Variants in DAB1 observed in about 807,000 individuals in gnomAD.
The protein encoded by DAB1 is DAB adaptor protein 1, also known as disabled homolog 1.
Under a neutral mutation model 64.6 loss-of-function variants are expected in DAB1, and 15 were observed. The observed-to-expected ratio is 0.23, with a 90% CI of 0.16 to 0.36. The LOEUF is 0.36. DAB1 is among the 10% of genes least tolerant of loss of function. DAB1 has a pLI of 1.00. For missense variants in DAB1, 596 were observed against 706.7 expected (o/e 0.84, Z 1.78); for synonymous variants, 235 against 251.9 (o/e 0.93, Z 0.64).
intron 5 of DAB1, among the ~76,000 whole-genome samples, chr1:58,093,026 A>G (rs1304955308): frequency 6.6e-6 from 1 of 152,244 alleles, no homozygotes; most frequent in Non-Finnish European, 1.5e-5. Context: ...AAACACTTTT[A>G]GAGTGCCACA....
At chr1:57,068,937 A>T (rs942923071) in intron 8 of DAB1, among the ~76,000 whole-genome samples, 11 of 152,220 alleles carry the variant, frequency 7.2e-5, no homozygotes, top group Non-Finnish European at 1.3e-4. Flanking sequence ...TTCAGTTAAT[A>T]TTCTCAATGT....
At chr1:58,225,039 A>G (rs1440737150) in intron 4 of DAB1, among the ~76,000 whole-genome samples, 2 of 152,224 alleles carry the variant, frequency 1.3e-5, no homozygotes, top group Non-Finnish European at 2.9e-5. Context: ...ACAGAATGGG[A>G]GAAAATTTTT....
chr1:57,000,506 A>G (rs1645818259), intron 14 of DAB1, among the ~76,000 whole-genome samples: 2 of 152,242 alleles, frequency 1.3e-5, no homozygotes, highest in African/African-American at 4.8e-5. Flanking sequence ...AATCAAATGT[A>G]GCAAAATCTA....
At chr1:57,188,075 G>C (rs1436633149) in intron 2 of DAB1, among the ~76,000 whole-genome samples, 2 of 152,222 alleles carry the variant, frequency 1.3e-5, no homozygotes, top group African/African-American at 4.8e-5. Context: ...TACTGAAGTA[G>C]TGTAGTGAGT....
intron 5 of DAB1, among the ~76,000 whole-genome samples, chr1:58,067,524 T>A (rs1200158386): frequency 6.6e-6 from 1 of 152,218 alleles, no homozygotes; most frequent in African/African-American, 2.4e-5. Context: ...GTAATTGGTA[T>A]CTATAATGAA....
intron 1 of DAB1, among the ~76,000 whole-genome samples, chr1:57,330,263 A>G (rs565310954): frequency 4.7e-4 from 72 of 152,290 alleles, no homozygotes; most frequent in African/African-American, 1.7e-3. Flanking sequence ...AAATAAATAA[A>G]TAACTCCAGG....
chr1:57,083,045 C>T (rs893910263), intron 4 of DAB1, among the ~76,000 whole-genome samples: 24 of 152,118 alleles, frequency 1.6e-4, no homozygotes, highest in Admixed American at 1.6e-3. Flanking sequence ...TTTATTTTCA[C>T]TACATTAAAA....
chr1:57,496,565 C>T (rs1644233176), intron 7 of DAB1, among the ~76,000 whole-genome samples: 1 of 152,100 alleles, frequency 6.6e-6, no homozygotes, highest in Non-Finnish European at 1.5e-5. Context: ...AGGAGGCTCT[C>T]CTATTGCTGT....
chr1:58,266,333 C>T (rs1303267747), intron 4 of DAB1, among the ~76,000 whole-genome samples: 4 of 152,090 alleles, frequency 2.6e-5, no homozygotes, highest in Non-Finnish European at 4.4e-5. Flanking sequence ...ACACAGGGCT[C>T]AGCAAGCTGG....
At chr1:57,187,602 T>C (rs1035037980) in intron 2 of DAB1, among the ~76,000 whole-genome samples, 11 of 152,232 alleles carry the variant, frequency 7.2e-5, no homozygotes, top group Admixed American at 3.9e-4. Flanking sequence ...GCATTTGCTA[T>C]CTTGTTCTTT....
chr1:57,903,264 G>T (rs1386115518), intron 5 of DAB1, among the ~76,000 whole-genome samples: 3 of 152,096 alleles, frequency 2.0e-5, no homozygotes, highest in African/African-American at 7.2e-5. Context: ...ACTCAATTCA[G>T]TTATTGTAAC....
chr1:57,601,083 G>A (rs980942018), intron 7 of DAB1, among the ~76,000 whole-genome samples: 30 of 151,632 alleles, frequency 2.0e-4, no homozygotes, highest in Admixed American at 3.3e-4. Context: ...TCAATTTGCC[G>A]ATATTATAAG....
intron 4 of DAB1, among the ~76,000 whole-genome samples, chr1:57,124,875 G>A (rs1035216208): frequency 2.0e-5 from 3 of 152,140 alleles, no homozygotes; most frequent in Non-Finnish European, 2.9e-5. Context: ...CTTGAGGCTT[G>A]AGTCAGCATC....
intron 7 of DAB1, among the ~76,000 whole-genome samples, chr1:57,552,235 A>T (rs1261335238): frequency 3.3e-5 from 5 of 152,196 alleles, no homozygotes; most frequent in Non-Finnish European, 4.4e-5. Context: ...TTTTATTCTA[A>T]TAAGTCCCAA....
intron 3 of DAB1, among the ~76,000 whole-genome samples, chr1:58,425,444 G>A (rs1644813705): frequency 6.6e-6 from 1 of 152,220 alleles, no homozygotes; most frequent in South Asian, 2.1e-4. Flanking sequence ...GCTAGCCCAT[G>A]TTGGCATTCT....
chr1:57,985,022 C>A (rs1646178852), intron 5 of DAB1, among the ~76,000 whole-genome samples: 1 of 152,070 alleles, frequency 6.6e-6, no homozygotes, highest in Non-Finnish European at 1.5e-5. Context: ...GATTCTCCTG[C>A]CTCACCTCTC....
At chr1:57,597,513 AC>A (rs1299923764) in intron 7 of DAB1, among the ~76,000 whole-genome samples, 4 of 152,244 alleles carry the variant, frequency 2.6e-5, no homozygotes, top group African/African-American at 9.6e-5. Context: ...GCCTAATGGT[AC>A]CATCTTAAGA....
intron 7 of DAB1, among the ~76,000 whole-genome samples, chr1:57,489,270 C>T (rs958674476): frequency 1.3e-5 from 2 of 152,166 alleles, no homozygotes; most frequent in Non-Finnish European, 2.9e-5. Flanking sequence ...AACCAACATC[C>T]CAGGTCAGGC....
chr1:57,587,918 CAT>C (rs1452365268), intron 7 of DAB1, among the ~76,000 whole-genome samples: 1 of 152,124 alleles, frequency 6.6e-6, no homozygotes, highest in African/African-American at 2.4e-5. Context: ...ATCTTTCTCT[CAT>C]GTGAGTTTTT....
Sources: gnomAD v4.1 joint callset for allele counts (sites outside exome capture counted in the v4.1 genomes callset) on GRCh38, gnomAD v4.1.1 for gene constraint, MANE v1.5 for transcripts, NCBI Gene and HGNC (gene_info 2026-07-23, HGNC 2026-07-21) for gene names.